The following CDH12 variants were observed in gnomAD, a reference collection of about 807,000 sequenced individuals.
CDH12 encodes cadherin 12.
In CDH12, 41 loss-of-function variants were observed where a neutral mutation model predicts 74.1. The observed-to-expected ratio is 0.55, with a 90% CI of 0.43 to 0.72. CDH12 has a LOEUF of 0.72. CDH12 is among the 30% of genes least tolerant of loss of function. The pLI, the probability that CDH12 is intolerant of heterozygous loss-of-function variation, is 0.00. For synonymous variants in CDH12, 399 were observed against 355.0 expected (o/e 1.12, Z -1.39); for missense variants, 945 against 977.2 (o/e 0.97, Z 0.44).
chr5:22,333,623 A>T (rs879882919), intron 3 of CDH12, among the ~76,000 whole-genome samples: 8 of 152,196 alleles, frequency 5.3e-5, no homozygotes, highest in Non-Finnish European at 1.0e-4. Context: ...ACACTATCAA[A>T]TGCATTCTAG....
intron 5 of CDH12, among the ~76,000 whole-genome samples, chr5:21,999,263 C>T (rs896499332): frequency 3.3e-5 from 5 of 152,130 alleles, no homozygotes; most frequent in African/African-American, 7.2e-5. Context: ...TTCTCACATA[C>T]TTTTATCTTG....
intron 4 of CDH12, among the ~76,000 whole-genome samples, chr5:22,097,977 T>G (rs1032256690): frequency 3.9e-5 from 6 of 152,228 alleles, no homozygotes; most frequent in African/African-American, 1.4e-4. Flanking sequence ...GTTCAAGATC[T>G]GTGCCTTATC....
At chr5:22,561,203 A>T (rs934723017) in intron 1 of CDH12, among the ~76,000 whole-genome samples, 5 of 152,078 alleles carry the variant, frequency 3.3e-5, no homozygotes, top group African/African-American at 1.2e-4. Context: ...ATATTTGGAG[A>T]CATTCAACTT....
chr5:21,784,691 C>A (rs16888402), intron 10 of CDH12, among the ~76,000 whole-genome samples: 10,070 of 152,182 alleles, frequency 0.066, 527 homozygotes, highest in East Asian at 0.15. Context: ...CATTGTTAGT[C>A]AGCCCTTGGA....
chr5:22,129,393 A>T (rs1014081215), intron 4 of CDH12, among the ~76,000 whole-genome samples: 1 of 152,168 alleles, frequency 6.6e-6, no homozygotes, highest in Non-Finnish European at 1.5e-5. Context: ...TACAAATGAC[A>T]CTTAGAATTT....
intron 1 of CDH12, among the ~76,000 whole-genome samples, chr5:22,811,757 G>A (rs1749159328): frequency 6.6e-6 from 1 of 152,260 alleles, no homozygotes; most frequent in African/African-American, 2.4e-5. Context: ...TTCTGAAAGG[G>A]ATAAGAGGAG....
chr5:21,824,792 C>T (rs1179351076), intron 8 of CDH12, among the ~76,000 whole-genome samples: 1 of 152,130 alleles, frequency 6.6e-6, no homozygotes, highest in Non-Finnish European at 1.5e-5. Context: ...ACATGGCTTT[C>T]TCCAAAGAAA....
chr5:22,341,833 T>G (rs1341142753), intron 3 of CDH12, among the ~76,000 whole-genome samples: 1 of 152,136 alleles, frequency 6.6e-6, no homozygotes, highest in East Asian at 1.9e-4. Flanking sequence ...CTTGGTGCTT[T>G]CATTCCTAGA....
At chr5:21,752,327 G>A in intron 14 of CDH12, 91 bp from the exon 15 acceptor site, 1 of 1,118,836 alleles carries the variant, frequency 8.9e-7, no homozygotes, top group African/African-American at 1.6e-5. Context: ...AGGGGTGGCT[G>A]AGTTTCGTGA....
intron 1 of CDH12, among the ~76,000 whole-genome samples, chr5:22,706,851 A>G (rs1252948562): frequency 1.3e-5 from 2 of 152,154 alleles, no homozygotes; most frequent in Non-Finnish European, 2.9e-5. Flanking sequence ...TGGTCTCATA[A>G]TATCCTTTTC....
At chr5:21,937,505 A>C (rs1755125432) in intron 6 of CDH12, among the ~76,000 whole-genome samples, 1 of 152,194 alleles carries the variant, frequency 6.6e-6, no homozygotes, top group South Asian at 2.1e-4. Flanking sequence ...AAAATAACTA[A>C]AGTTCAATTG....
intron 11 of CDH12, among the ~76,000 whole-genome samples, chr5:21,776,558 A>G (rs1461721573): frequency 6.6e-6 from 1 of 152,024 alleles, no homozygotes; most frequent in African/African-American, 2.4e-5. Flanking sequence ...AATATGATCC[A>G]CTTCCGATTA....
chr5:22,158,286 C>T (rs1438942719), intron 4 of CDH12, among the ~76,000 whole-genome samples: 1 of 151,940 alleles, frequency 6.6e-6, no homozygotes, highest in Non-Finnish European at 1.5e-5. Flanking sequence ...GTGATAAACA[C>T]CATTTGGAAA....
chr5:21,981,289 C>T (rs1363862671), intron 5 of CDH12, among the ~76,000 whole-genome samples: 1 of 151,790 alleles, frequency 6.6e-6, no homozygotes, highest in Non-Finnish European at 1.5e-5. Flanking sequence ...TTCTTGCCTC[C>T]AATATTTTAT....
At chr5:22,473,621 A>C (rs1746054736) in intron 2 of CDH12, among the ~76,000 whole-genome samples, 1 of 152,152 alleles carries the variant, frequency 6.6e-6, no homozygotes, top group South Asian at 2.1e-4. Context: ...TATTAATTGC[A>C]AAAAATTTGA....
At chr5:21,766,640 AGATCT>A in intron 11 of CDH12, among the ~76,000 whole-genome samples, 1 of 152,056 alleles carries the variant, frequency 6.6e-6, no homozygotes, top group East Asian at 1.9e-4. Flanking sequence ...GAGGTGATCA[AGATCT>A]GTTTCTGTTA....
rs189234759 is a variant in CDH12, at chr5:21,934,431, T to C, written c.526+40660A>G. Among the ~76,000 whole-genome samples the C allele has an allele frequency of 2.3e-3, 347 of 152,340 alleles. 1 individual carries two copies. Among genetic ancestry groups the C allele is most frequent in the African/African-American group, 7.7e-3 (322 of 41,584 alleles). On this transcript the variant is annotated intron_variant, in intron 6 of 14. Transcript: ENST00000382254. ...AGCACTGCTCAACTAAATTATGGTATAGCCATCTGATGGACTACTCAGATT... is the reference window on the plus strand; with the variant it reads ...AGCACTGCTCAACTAAATTATGGTACAGCCATCTGATGGACTACTCAGATT...
chr5:22,710,091 G>A (rs941772096), intron 1 of CDH12, among the ~76,000 whole-genome samples: 18 of 152,240 alleles, frequency 1.2e-4, no homozygotes, highest in African/African-American at 4.1e-4. Context: ...AGCCTAGACT[G>A]CTACATCAAA....
At chr5:21,959,931 A>AT (rs575208863) in intron 6 of CDH12, among the ~76,000 whole-genome samples, 22,704 of 147,270 alleles carry the variant, frequency 0.15, 2,010 homozygotes, top group African/African-American at 0.24. Flanking sequence ...TCTCAAAAAA[A>AT]AAAAAAAAAA....
Sources: gnomAD v4.1 joint callset for allele counts (sites outside exome capture counted in the v4.1 genomes callset) on GRCh38, gnomAD v4.1.1 for gene constraint, MANE v1.5 for transcripts, NCBI Gene and HGNC (gene_info 2026-07-23, HGNC 2026-07-21) for gene names.